The following CHD8 variants were observed in gnomAD, a reference collection of about 807,000 sequenced individuals.
CHD8 encodes chromodomain helicase DNA binding protein 8.
CHD8 carries 31 observed loss-of-function variants against 279.2 expected under a neutral mutation model. That is an observed-to-expected ratio of 0.11 (90% CI 0.08 to 0.15). The LOEUF is 0.15. CHD8 is among the 10% of genes least tolerant of loss of function. CHD8 has a pLI of 1.00. For synonymous variants in CHD8, 1,081 were observed against 1,139.6 expected (o/e 0.95, Z 1.04); for missense variants, 2,146 against 3,230.5 (o/e 0.66, Z 8.14).
At chr14:21,399,957 C>A in intron 25 of CHD8, 24 bp downstream of exon 25, 3 of 1,596,052 alleles carry the variant, frequency 1.9e-6, no homozygotes, top group Non-Finnish European at 2.6e-6. Flanking sequence ...GGGCATAAAT[C>A]AAAAAAATAT....
intron 2 of CHD8, chr14:21,429,614 C>T: frequency 2.0e-6 from 1 of 502,922 alleles, no homozygotes; most frequent in Non-Finnish European, 3.8e-6. Context: ...CGTTTCCAAC[C>T]TGGGCCAATT....
intron 5 of CHD8, among the ~76,000 whole-genome samples, chr14:21,424,615 C>T (rs1480137064): frequency 3.3e-5 from 5 of 151,958 alleles, no homozygotes; most frequent in East Asian, 1.9e-4. Context: ...GGACTACAGG[C>T]GCCCACCACC....
At chr14:21,438,296 A>G (rs112460729) in intron 1 of CHD8, among the ~76,000 whole-genome samples, 13,719 of 151,994 alleles carry the variant, frequency 0.09, 910 homozygotes, top group Non-Finnish European at 0.14. Flanking sequence ...CCTGACCTCA[A>G]GTGACCCACC....
intron 20 of CHD8, chr14:21,401,714 A>G: frequency 1.7e-6 from 1 of 580,848 alleles, no homozygotes; most frequent in South Asian, 2.3e-5. Flanking sequence ...CCTCCCGAGT[A>G]GCTGGGACGA....
In CHD8 at chr14:21,387,566, G is replaced by GGAGATCGCGGTGAGCA. The variant is rs1339044692; in HGVS notation, c.7183-1406_7183-1391dup. On this transcript the variant is annotated intron_variant, in intron 37 of 37. Coordinates refer to ENST00000646647, the MANE Select transcript of CHD8 (RefSeq NM_001170629.2). ...GAAAAATCGCTTGAACCCAGGAGGC[G>GGAGATCGCGGTGAGCA]GAGATCGCGGTGAGCAGAGATCACG... Among the ~76,000 whole-genome samples, 7 of 151,836 alleles carry GGAGATCGCGGTGAGCA rather than the reference G, an allele frequency of 4.6e-5. No individual in the cohort carries two copies. The East Asian group carries it at 1.4e-3, about 29-fold the overall frequency.
Position 21,401,056 on chromosome 14 carries a change from C to G in CHD8, c.4189G>C (p.Asp1397His), listed in dbSNP as rs1293008333. The part of the protein sequence containing the change: ...LLNSKNNLVI[D>H]TPRVRKQTRH... Reference sequence around the variant, plus strand: ...GTTTGTTTTCGTACTCTAGGTGTGTCAATTACCAAATTATTCTATGAAGAG... The same window carrying G: ...GTTTGTTTTCGTACTCTAGGTGTGTGAATTACCAAATTATTCTATGAAGAG... The change falls in exon 22 of 38, where the codon GAC becomes CAC. Residue 1397 changes from aspartate (D) to histidine (H), a missense_variant. Physicochemically the swap from Asp to His is moderately conservative, Grantham distance 81. Coordinates refer to ENST00000646647, the MANE Select transcript of CHD8 (RefSeq NM_001170629.2). The G allele has an allele frequency of 6.2e-7, 1 of 1,606,794 alleles. No homozygotes were observed. The highest frequency in any genetic ancestry group is 1.3e-5 in the African/African-American group (1 of 74,520).
At chr14:21,443,933 A>G (rs1243796541) in intron 1 of CHD8, among the ~76,000 whole-genome samples, 2 of 151,784 alleles carry the variant, frequency 1.3e-5, no homozygotes, top group Non-Finnish European at 2.9e-5. Flanking sequence ...TCTGATACCT[A>G]CTTTCCACTG....
intron 1 of CHD8, among the ~76,000 whole-genome samples, chr14:21,434,007 TA>T (rs1400679692): frequency 2.0e-5 from 3 of 151,744 alleles, no homozygotes; most frequent in African/African-American, 7.2e-5. Context: ...TATCTACAGC[TA>T]GGAGTAATAT....
At chr14:21,413,421 G>A (rs1888589047) in intron 9 of CHD8, among the ~76,000 whole-genome samples, 1 of 145,564 alleles carries the variant, frequency 6.9e-6, no homozygotes, top group Non-Finnish European at 1.5e-5. Flanking sequence ...TTGAGGTAGA[G>A]CCTTGCTCTG....
rs1027891686 is a variant in CHD8, at chr14:21,400,798, T to C, written c.4370+77A>G. The C allele has an allele frequency of 6.9e-7, 1 of 1,441,864 alleles. No homozygotes were observed. Among genetic ancestry groups the C allele is most frequent in the African/African-American group, 1.4e-5 (1 of 69,988 alleles). 89.3% of individuals were successfully genotyped at this position (1,441,864 alleles called of 1,614,324 possible). On this transcript the variant is annotated intron_variant, in intron 22 of 37. Transcript: ENST00000646647. The surrounding 1 kb of genome is among the most constrained non-coding windows in gnomAD (Gnocchi z 4.2). Reference sequence around the variant, plus strand: ...CCCTTCTTTGATCATAGCCCCCAATTTGAAAGGCAAACCAAGAGTATCTAT... The same window carrying C: ...CCCTTCTTTGATCATAGCCCCCAATCTGAAAGGCAAACCAAGAGTATCTAT...
chr14:21,411,172 A>C (rs1187362768), intron 10 of CHD8, among the ~76,000 whole-genome samples: 1 of 152,222 alleles, frequency 6.6e-6, no homozygotes, highest in Non-Finnish European at 1.5e-5. Context: ...AAGACTGTCA[A>C]GGCTGGAAAG....
At position 21,424,761 on chromosome 14, in the gene CHD8, G is replaced by A. The variant is rs188256843; in HGVS notation, c.1716+1367C>T. ...GCTGGGATTACAGGCGGGAGCTACC[G>A]CGCCTGGCCCAGCTATTCTTACACA... On this transcript the variant is annotated intron_variant, in intron 5 of 37. Transcript: ENST00000646647. Among the ~76,000 whole-genome samples, 35 of 152,216 alleles carry A rather than the reference G, an allele frequency of 2.3e-4. No individual in the cohort carries two copies. The Middle Eastern group carries it at 0.01, about 44-fold the overall frequency.
At chr14:21,401,574 C>T in intron 20 of CHD8, 61 bp from the exon 21 acceptor site, 1 of 1,029,586 alleles carries the variant, frequency 9.7e-7, no homozygotes, top group Non-Finnish European at 1.4e-6. Context: ...GCAAAATCAG[C>T]AATTATGTTT....
chr14:21,444,442 G>A (rs903487352), intron 1 of CHD8, among the ~76,000 whole-genome samples: 1 of 152,094 alleles, frequency 6.6e-6, no homozygotes, highest in Non-Finnish European at 1.5e-5. Context: ...AATTTAAGGT[G>A]AACAGGAATA....
In CHD8 at chr14:21,405,264, T is replaced by C. The variant is rs1230187240; in HGVS notation, c.3252A>G (p.Leu1084=). ...TGCGCAACTCCATCATTGTGTTAAG[T>C]AGATTAGGCATGTTGGTATGACCTG... The part of the protein sequence containing the change: ...KGAGHTNMPN[L]LNTMMELRKC... The change falls in exon 16 of 38, where the codon CTA becomes CTG. Residue 1084 remains leucine, a synonymous_variant. Transcript: ENST00000646647. The surrounding 1 kb of genome is among the most constrained non-coding windows in gnomAD (Gnocchi z 4.2). 1.2e-6 allele frequency: 2 copies of C among 1,613,492 alleles called. No homozygotes were observed. Among genetic ancestry groups the C allele is most frequent in the Non-Finnish European group, 1.7e-6 (2 of 1,179,668 alleles).
chr14:21,414,987 A>G lies in CHD8; in HGVS notation c.1975T>C (p.Ser659Pro). 6.3e-7 allele frequency: 1 copy of G among 1,589,994 alleles called. No homozygotes were observed. The change falls in exon 8 of 38, where the codon TCT becomes CCT. Residue 659 changes from serine (S) to proline (P), a missense_variant. Physicochemically the swap from Ser to Pro is moderately conservative, Grantham distance 74. Around this residue, in one of 26 missense-constraint regions of CHD8, gnomAD observed 24 missense variants for 56.7 expected, o/e 0.42. Coordinates refer to ENST00000646647, the MANE Select transcript of CHD8 (RefSeq NM_001170629.2). Reference protein sequence around the residue: ...SMRIVKKELPSGQYTEAEEFF... With the variant: ...SMRIVKKELPPGQYTEAEEFF... ...TCTTCTGCTTCAGTATATTGTCCAG[A>G]AGGGAGCTAAGAAAAAAGAAATAAA...
At chr14:21,452,876 C>T (rs1033364747) in intron 1 of CHD8, among the ~76,000 whole-genome samples, 4 of 150,210 alleles carry the variant, frequency 2.7e-5, no homozygotes, top group Non-Finnish European at 5.9e-5. Context: ...CCCAGCTACT[C>T]GGAAGGCTGA....
Position 21,432,913 on chromosome 14 carries a change from G to A in CHD8, c.-215-1055C>T, listed in dbSNP as rs545730777. Among the ~76,000 whole-genome samples the A allele has an allele frequency of 2.4e-4, 37 of 151,924 alleles. No homozygotes were observed. The South Asian group carries it at 6.6e-3, about 27-fold the overall frequency. On this transcript the variant is annotated intron_variant, in intron 1 of 37. Coordinates refer to ENST00000646647, the MANE Select transcript of CHD8 (RefSeq NM_001170629.2). ...CTGAAGGCCCAAATGGTTCCTTTGC[G>A]CAAATTGTAAAAAGTTGCCCACTTC...
rs766317271 is a variant in CHD8 at position 21,394,956 on chromosome 14, T to C, written c.5346A>G (p.Ala1782=). 113 of 1,614,048 alleles carry C rather than the reference T, an allele frequency of 7.0e-5. 1 individual carries two copies. The Middle Eastern group carries it at 7.4e-3, about 106-fold the overall frequency. The change falls in exon 30 of 38, where the codon GCA becomes GCG. Residue 1782 remains alanine (A), a synonymous_variant. Coordinates refer to ENST00000646647, the MANE Select transcript of CHD8 (RefSeq NM_001170629.2). ...RGDRRRRRCE[A]AFKLKEIARR... is the part of the protein sequence containing the mutation. ...GTGCAATTTCTTTCAGCTTGAAGGCTGCTTCACAACGCCGCCTTCGCCGGT... is the reference window on the plus strand; with the variant it reads ...GTGCAATTTCTTTCAGCTTGAAGGCCGCTTCACAACGCCGCCTTCGCCGGT...
Sources: allele counts gnomAD v4.1 joint callset (sites outside exome capture counted in the v4.1 genomes callset), GRCh38; gene constraint gnomAD v4.1.1; regional missense constraint gnomAD v4.1.1; non-coding constraint Gnocchi (gnomAD v3.1); transcripts MANE v1.5; gene names NCBI Gene and HGNC (gene_info 2026-07-23, HGNC 2026-07-21).